Variants in ELAVL4 observed in about 807,000 individuals in gnomAD.
The protein encoded by ELAVL4 is ELAV-like protein 4.
ELAVL4 carries 1 observed loss-of-function variant against 35.6 expected under a neutral mutation model. That is an observed-to-expected ratio of 0.03 (90% CI 0.01 to 0.13). The LOEUF is 0.13. Ranked by LOEUF, ELAVL4 falls within the 10% of genes least tolerant of loss-of-function variation. The probability of loss-of-function intolerance (pLI) is 1.00; values close to 1 mark genes in which losing one functional copy is unlikely to be tolerated. For missense variants in ELAVL4, 267 were observed against 464.9 expected (o/e 0.57, Z 3.91); for synonymous variants, 156 against 171.0 (o/e 0.91, Z 0.69).
chr1:50,102,606 C>T (rs568010890), upstream of ELAVL4, among the ~76,000 whole-genome samples: 91 of 152,246 alleles, frequency 6.0e-4, no homozygotes, highest in African/African-American at 2.0e-3. Context: ...ATTAAACTGA[C>T]CAAACACTAT....
intron 1 of ELAVL4, among the ~76,000 whole-genome samples, chr1:50,074,324 T>C (rs930429245): frequency 1.3e-5 from 2 of 152,220 alleles, no homozygotes; most frequent in African/African-American, 4.8e-5. Context: ...GAAATCTCTC[T>C]TGAGTGAATT....
chr1:50,050,019 G>T (rs1663270133), intron 1 of ELAVL4, among the ~76,000 whole-genome samples: 1 of 152,152 alleles, frequency 6.6e-6, no homozygotes, highest in African/African-American at 2.4e-5. Context: ...TTGTGTAAGT[G>T]CAATATAGTT....
At chr1:50,107,414 G>A (rs1666426686), upstream of ELAVL4, among the ~76,000 whole-genome samples, 2 of 152,114 alleles carry the variant, frequency 1.3e-5, no homozygotes, top group South Asian at 2.1e-4. Context: ...ATTGTTTTAT[G>A]ATGTATCTGT....
intron 2 of ELAVL4, among the ~76,000 whole-genome samples, chr1:50,151,602 A>C (rs1339011244): frequency 6.6e-6 from 1 of 152,196 alleles, no homozygotes; most frequent in Non-Finnish European, 1.5e-5. Flanking sequence ...TTCTACATGC[A>C]CATAAGACGG....
intron 2 of ELAVL4, among the ~76,000 whole-genome samples, chr1:50,151,032 A>G (rs999631139): frequency 2.0e-5 from 3 of 152,240 alleles, no homozygotes; most frequent in Non-Finnish European, 4.4e-5. Flanking sequence ...TGAGATCAGT[A>G]GACGGAGTCT....
chr1:50,153,608 G>A (rs1208084052), intron 2 of ELAVL4, among the ~76,000 whole-genome samples: 1 of 152,156 alleles, frequency 6.6e-6, no homozygotes, highest in Non-Finnish European at 1.5e-5. Context: ...CCTTCAACTT[G>A]GCCCTGAATT....
At chr1:50,107,930 C>G (rs968624917), upstream of ELAVL4, among the ~76,000 whole-genome samples, 6 of 152,088 alleles carry the variant, frequency 3.9e-5, no homozygotes, top group African/African-American at 1.2e-4. Context: ...TTGCAAATCT[C>G]TTAAGAGGCC....
chr1:50,061,965 T>G (rs1454428519), intron 1 of ELAVL4, among the ~76,000 whole-genome samples: 1 of 152,194 alleles, frequency 6.6e-6, no homozygotes, highest in Non-Finnish European at 1.5e-5. Context: ...CTAATACGGA[T>G]AAGTATTATT....
upstream of ELAVL4, chr1:50,103,783 C>A: frequency 1.3e-6 from 1 of 788,812 alleles, no homozygotes; most frequent in South Asian, 1.8e-5. Context: ...AGTGTCTGTT[C>A]ACTCTACCTT....
chr1:50,114,398 G>A (rs931887650), intron 1 of ELAVL4, among the ~76,000 whole-genome samples: 1 of 151,862 alleles, frequency 6.6e-6, no homozygotes, highest in African/African-American at 2.4e-5. Flanking sequence ...CCTTATATTT[G>A]TGAAATCTCC....
At chr1:50,197,759 C>G (rs1037451947) in intron 6 of ELAVL4, among the ~76,000 whole-genome samples, 1 of 152,356 alleles carries the variant, frequency 6.6e-6, no homozygotes, top group East Asian at 1.9e-4. Context: ...TTGAATGGCT[C>G]CCCTAAGGGG....
chr1:50,072,840 A>G (rs1349231553), intron 1 of ELAVL4, among the ~76,000 whole-genome samples: 2 of 152,166 alleles, frequency 1.3e-5, no homozygotes, highest in Non-Finnish European at 2.9e-5. Context: ...CAAGAGATGA[A>G]ATAACTTTCC....
chr1:50,056,909 G>A (rs1174664388), intron 1 of ELAVL4, among the ~76,000 whole-genome samples: 1 of 149,818 alleles, frequency 6.7e-6, no homozygotes, highest in African/African-American at 2.4e-5. Context: ...TCCAGCCTGG[G>A]TGACAGAGCA....
intron 1 of ELAVL4, among the ~76,000 whole-genome samples, chr1:50,077,005 A>G (rs1664792423): frequency 6.6e-6 from 1 of 152,014 alleles, no homozygotes; most frequent in Admixed American, 6.5e-5. Flanking sequence ...CTCCAGAGAA[A>G]CAAAGTAAAT....
chr1:50,059,407 A>T (rs1182763142), intron 1 of ELAVL4, among the ~76,000 whole-genome samples: 1 of 152,172 alleles, frequency 6.6e-6, no homozygotes, highest in Admixed American at 6.6e-5. Context: ...TGAAATTTGG[A>T]TCCCTGATTG....
chr1:50,074,225 T>C (rs1664662255), intron 1 of ELAVL4, among the ~76,000 whole-genome samples: 1 of 152,200 alleles, frequency 6.6e-6, no homozygotes, highest in South Asian at 2.1e-4. Context: ...TTTTGTCTTA[T>C]CTCTCTGTGA....
At chr1:50,083,025 G>A (rs1665080450) in intron 1 of ELAVL4, among the ~76,000 whole-genome samples, 1 of 151,998 alleles carries the variant, frequency 6.6e-6, no homozygotes, top group South Asian at 2.1e-4. Flanking sequence ...AAAAAGCATT[G>A]GCCAGGAAGT....
At chr1:50,085,025 T>C (rs1314908974) in intron 1 of ELAVL4, among the ~76,000 whole-genome samples, 1 of 152,186 alleles carries the variant, frequency 6.6e-6, no homozygotes, top group Non-Finnish European at 1.5e-5. Context: ...AAGTTCAAAC[T>C]AGATCAAAGT....
At chr1:50,170,868 T>A (rs1678873828) in intron 2 of ELAVL4, among the ~76,000 whole-genome samples, 1 of 152,014 alleles carries the variant, frequency 6.6e-6, no homozygotes, top group Non-Finnish European at 1.5e-5. Context: ...CCTGATTTCT[T>A]AATAAACAAA....
Sources: allele counts gnomAD v4.1 joint callset (sites outside exome capture counted in the v4.1 genomes callset), GRCh38; gene constraint gnomAD v4.1.1; transcripts MANE v1.5; gene names NCBI Gene and HGNC (gene_info 2026-07-23, HGNC 2026-07-21).